NUMB: variants seen among roughly 807,000 people sequenced by gnomAD.
The protein encoded by NUMB is protein numb homolog.
NUMB carries 29 observed loss-of-function variants against 59.7 expected under a neutral mutation model. The ratio of observed to expected loss-of-function variants is 0.49; its 90% CI spans 0.36 to 0.66. The LOEUF (loss-of-function observed/expected upper bound fraction) is 0.66, where lower values mean the gene tolerates loss of function less well. NUMB is among the 30% of genes least tolerant of loss of function. The pLI is 0.00. For synonymous variants in NUMB, 288 were observed against 288.2 expected (o/e 1.00, Z 0.01); for missense variants, 723 against 822.0 (o/e 0.88, Z 1.47).
In NUMB at chr14:73,328,274, C is replaced by CAAA. The variant is rs199628671; in HGVS notation, c.127-5073_127-5071dup. ...TGGGAGACAGAGCAAGACTCCATCTCAAAAAAAAAAAAAAGTCATATAAAT... is the reference window on the plus strand; with the variant it reads ...TGGGAGACAGAGCAAGACTCCATCTCAAAAAAAAAAAAAAAAAGTCATATAAAT... On this transcript the variant is annotated intron_variant, in intron 4 of 12. Coordinates refer to ENST00000555238, the MANE Select transcript of NUMB (RefSeq NM_001005743.2). 2.4e-3 allele frequency among the ~76,000 whole-genome samples: 319 copies of CAAA among 130,688 alleles called. 2 individuals are homozygous for CAAA. Among genetic ancestry groups the CAAA allele is most frequent in the East Asian group, 0.014 (64 of 4,738 alleles). 85.7% of individuals were successfully genotyped at this position (130,688 alleles called of 152,430 possible). A position where few individuals can be genotyped will look rare whatever the true frequency, so the allele number is the denominator to read the frequency against.
At chr14:73,434,139 C>T (rs2140173975) in intron 1 of NUMB, among the ~76,000 whole-genome samples, 1 of 152,218 alleles carries the variant, frequency 6.6e-6, no homozygotes, top group African/African-American at 2.4e-5. Flanking sequence ...TACTACTGCA[C>T]AATGATATGC....
intron 1 of NUMB, among the ~76,000 whole-genome samples, chr14:73,435,148 CA>C (rs1897996339): frequency 6.6e-6 from 1 of 152,014 alleles, no homozygotes; most frequent in African/African-American, 2.4e-5. Context: ...TGACTAAAAT[CA>C]AAGGGACTAA....
chr14:73,382,180 CT>C (rs1895274461), intron 2 of NUMB, among the ~76,000 whole-genome samples: 1 of 152,262 alleles, frequency 6.6e-6, no homozygotes, highest in Admixed American at 6.5e-5. Flanking sequence ...GAGTTTTGCT[CT>C]TGTTGCCCAG....
At chr14:73,445,367 A>C (rs1310049181) in intron 1 of NUMB, among the ~76,000 whole-genome samples, 16 of 117,250 alleles carry the variant, frequency 1.4e-4, no homozygotes, top group African/African-American at 4.8e-4. Flanking sequence ...AAAAAAAAAA[A>C]AAAAAAAAAA....
At chr14:73,451,685 T>C (rs572048012) in intron 1 of NUMB, among the ~76,000 whole-genome samples, 1 of 152,140 alleles carries the variant, frequency 6.6e-6, no homozygotes, top group African/African-American at 2.4e-5. Context: ...TATGCACAAG[T>C]GACTAGACGA....
Position 73,277,119 on chromosome 14 carries a change from G to T in NUMB, c.1415C>A (p.Pro472His). 6.2e-7 allele frequency: 1 copy of T among 1,614,058 alleles called. No individual in the cohort carries two copies. Among genetic ancestry groups the T allele is most frequent in the Non-Finnish European group, 8.5e-7 (1 of 1,180,016 alleles). Residue 472 changes from proline to histidine, a missense_variant, in exon 13 of 13, where the codon CCC becomes CAC. Around this residue, in one of 2 missense-constraint regions of NUMB, gnomAD observed 406 missense variants for 385.4 expected, o/e 1.05. Coordinates refer to ENST00000555238, the MANE Select transcript of NUMB (RefSeq NM_001005743.2). ...PLQPVLQPPP[P>H]TAISQPASPF... is the part of the protein sequence containing the mutation. ...TGATGCTGGCTGGGAGATGGCAGTGGGTGGAGGAGGCTGGAGAACTGGCTG... is the reference window on the plus strand; with the variant it reads ...TGATGCTGGCTGGGAGATGGCAGTGTGTGGAGGAGGCTGGAGAACTGGCTG...
Position 73,276,638 on chromosome 14 carries a change from A to G in NUMB, c.1896T>C (p.Asn632=). Residue 632 remains asparagine (N), a synonymous_variant, in exon 13 of 13, where the codon AAT becomes AAC. Transcript: ENST00000555238. The stretch of plus-strand genomic sequence containing the variant: ...TGGAGAAAGGGTTGGTAGGGGAGGG[A>G]TTAGTACGCTGCTTGGACTTATTTT... ...ALENKSKQRT[N]PSPTNPFSSD... 6.2e-7 allele frequency: 1 copy of G among 1,614,138 alleles called. No homozygotes were observed. The highest frequency in any genetic ancestry group is 8.5e-7 in the Non-Finnish European group (1 of 1,180,032).
intron 4 of NUMB, among the ~76,000 whole-genome samples, chr14:73,350,205 G>A (rs532631689): frequency 2.9e-5 from 4 of 137,212 alleles, no homozygotes; most frequent in South Asian, 4.5e-4. Context: ...ATGGAGTCTC[G>A]GTCTATCACC....
chr14:73,281,078 G>C (rs1395553980), intron 11 of NUMB, among the ~76,000 whole-genome samples: 1 of 152,012 alleles, frequency 6.6e-6, no homozygotes, highest in Non-Finnish European at 1.5e-5. Flanking sequence ...CCTAGAAACT[G>C]GGAGCCCTCT....
intron 2 of NUMB, among the ~76,000 whole-genome samples, chr14:73,381,199 T>G (rs143119712): frequency 6.6e-4 from 100 of 152,268 alleles, no homozygotes; most frequent in Non-Finnish European, 1.3e-3. Context: ...TTGTCTTTAA[T>G]CAACCTCGGT....
intron 2 of NUMB, among the ~76,000 whole-genome samples, chr14:73,408,883 AAAAAAAAAAG>A (rs1896792730): frequency 1.3e-5 from 2 of 150,628 alleles, no homozygotes; most frequent in African/African-American, 2.4e-5. Flanking sequence ...TTCTCAAAAA[AAAAAAAAAAG>A]AAAGAAAGAA....
intron 4 of NUMB, among the ~76,000 whole-genome samples, chr14:73,350,677 G>A (rs1893199152): frequency 6.9e-6 from 1 of 144,350 alleles, no homozygotes; most frequent in African/African-American, 2.6e-5. Context: ...GATGACAGGT[G>A]TGTACTACCA....
At chr14:73,316,251 T>G (rs1400932777) in intron 6 of NUMB, 139 bp downstream of exon 6, 5 of 674,736 alleles carry the variant, frequency 7.4e-6, no homozygotes, top group Non-Finnish European at 1.3e-5. Flanking sequence ...ACTTCCTAAT[T>G]CATTAATTTC....
At chr14:73,396,017 T>C (rs1365230586) in intron 2 of NUMB, among the ~76,000 whole-genome samples, 2 of 152,182 alleles carry the variant, frequency 1.3e-5, no homozygotes, top group South Asian at 2.1e-4. Flanking sequence ...AAAACTAACA[T>C]AGTCTTTTTT....
intron 2 of NUMB, among the ~76,000 whole-genome samples, chr14:73,371,533 CAA>C (rs879379679): frequency 7.3e-6 from 1 of 136,748 alleles, no homozygotes; most frequent in African/African-American, 2.7e-5. Flanking sequence ...GACTCCATCT[CAA>C]AAAAAAAAAA....
Position 73,362,368 on chromosome 14 carries a change from T to C in NUMB, c.-16+4529A>G, listed in dbSNP as rs1894138364. Among the ~76,000 whole-genome samples, 4 of 145,370 alleles carry C rather than the reference T, an allele frequency of 2.8e-5. No homozygotes were observed. The South Asian group carries it at 8.8e-4, about 32-fold the overall frequency. ...ATTCCCAGTTCCAGAGATGTTAAAG[T>C]GTGAGAGAAAGAGGGAAAAGAGGAG... On this transcript the variant is annotated intron_variant, in intron 3 of 12. Coordinates refer to ENST00000555238, the MANE Select transcript of NUMB (RefSeq NM_001005743.2).
chr14:73,288,061 T>A (rs561705463), intron 8 of NUMB, among the ~76,000 whole-genome samples: 1 of 152,216 alleles, frequency 6.6e-6, no homozygotes, highest in Admixed American at 6.5e-5. Flanking sequence ...TGTTAATATG[T>A]CTAGGAAAAA....
intron 11 of NUMB, among the ~76,000 whole-genome samples, chr14:73,280,420 A>G (rs1283119659): frequency 6.6e-6 from 1 of 151,384 alleles, no homozygotes; most frequent in Non-Finnish European, 1.5e-5. Flanking sequence ...CTCTCCTGGT[A>G]ACTCACAGAA....
intron 1 of NUMB, among the ~76,000 whole-genome samples, chr14:73,420,755 G>T (rs1176717256): frequency 1.3e-5 from 2 of 152,092 alleles, no homozygotes; most frequent in Non-Finnish European, 1.5e-5. Context: ...GGGAGGTAGA[G>T]GTTGCAGTGA....
Sources: gnomAD v4.1 joint callset for allele counts (sites outside exome capture counted in the v4.1 genomes callset) on GRCh38, gnomAD v4.1.1 for gene constraint, gnomAD v4.1.1 regional missense constraint, MANE v1.5 for transcripts, NCBI Gene and HGNC (gene_info 2026-07-23, HGNC 2026-07-21) for gene names.